The following NKAIN2 variants were observed in gnomAD, a reference collection of about 807,000 sequenced individuals.
NKAIN2 encodes the protein sodium/potassium-transporting ATPase subunit beta-1-interacting protein 2.
NKAIN2 carries 14 observed loss-of-function variants against 32.6 expected under a neutral mutation model. That is an observed-to-expected ratio of 0.43 (90% CI 0.28 to 0.67). The LOEUF is 0.67. Among genes scored for constraint, NKAIN2 ranks in the 30% least tolerant of loss-of-function variants. The pLI is 0.17. For synonymous variants in NKAIN2, 80 were observed against 87.2 expected (o/e 0.92, Z 0.46); for missense variants, 198 against 258.3 (o/e 0.77, Z 1.60).
intron 5 of NKAIN2, 139 bp from the exon 6 acceptor site, chr6:124,818,244 ATTTC>A: frequency 2.3e-6 from 1 of 434,372 alleles, no homozygotes. Flanking sequence ...CATTTCTTCC[ATTTC>A]TTTTTTCTTC....
intron 1 of NKAIN2, among the ~76,000 whole-genome samples, chr6:123,954,979 G>A (rs202182496): frequency 6.6e-6 from 1 of 152,026 alleles, no homozygotes; most frequent in African/African-American, 2.4e-5. Context: ...GTACTGAGCT[G>A]GGGGTAAAGC....
At chr6:123,908,312 G>A (rs1215196500) in intron 1 of NKAIN2, among the ~76,000 whole-genome samples, 1 of 152,088 alleles carries the variant, frequency 6.6e-6, no homozygotes, top group Non-Finnish European at 1.5e-5. Flanking sequence ...GCTTCAGAAT[G>A]TTTCTTGTTG....
chr6:124,550,056 G>C (rs1388019585), intron 3 of NKAIN2, among the ~76,000 whole-genome samples: 1 of 152,000 alleles, frequency 6.6e-6, no homozygotes, highest in African/African-American at 2.4e-5. Flanking sequence ...ATCTTGTCTG[G>C]GGCAAATATG....
chr6:123,974,676 C>A (rs1241803538), intron 1 of NKAIN2, among the ~76,000 whole-genome samples: 2 of 152,072 alleles, frequency 1.3e-5, no homozygotes, highest in Non-Finnish European at 2.9e-5. Context: ...AAGTTCTTAC[C>A]ATAGAAAGGT....
intron 4 of NKAIN2, among the ~76,000 whole-genome samples, chr6:124,773,316 G>C (rs1034473506): frequency 6.6e-6 from 1 of 152,104 alleles, no homozygotes; most frequent in Non-Finnish European, 1.5e-5. Flanking sequence ...AGGAGGGAGA[G>C]AGAAGAGGTG....
rs113291526 is a variant in NKAIN2 at position 123,805,525 on chromosome 6, T to G, written c.54+1271T>G. On this transcript the variant is annotated intron_variant, in intron 1 of 6. Transcript: ENST00000368417. ...TATTTTGATCTGTGATTTATGCGCTTATGCACTTGGTTGTAAGACAAAGAT... is the reference window on the plus strand; with the variant it reads ...TATTTTGATCTGTGATTTATGCGCTGATGCACTTGGTTGTAAGACAAAGAT... Among the ~76,000 whole-genome samples, 850 of 152,324 alleles carry G rather than the reference T, an allele frequency of 5.6e-3. 11 individuals carry two copies. The highest frequency in any genetic ancestry group is 0.02 in the African/African-American group (818 of 41,576).
At chr6:124,086,011 A>C (rs1043639697) in intron 1 of NKAIN2, among the ~76,000 whole-genome samples, 3 of 151,986 alleles carry the variant, frequency 2.0e-5, no homozygotes, top group Non-Finnish European at 2.9e-5. Flanking sequence ...AATAACTTTC[A>C]GATCCCTCAG....
chr6:124,692,511 C>T (rs1246209670), intron 4 of NKAIN2, among the ~76,000 whole-genome samples: 1 of 152,046 alleles, frequency 6.6e-6, no homozygotes, highest in African/African-American at 2.4e-5. Context: ...TATCACTTCA[C>T]ATATAAAAAT....
Position 124,824,827 on chromosome 6 carries a change from T to C in NKAIN2, c.*1598T>C, listed in dbSNP as rs1027809846. On this transcript the variant is annotated 3_prime_UTR_variant, in exon 7 of 7. Transcript: ENST00000368417. Reference sequence around the variant, plus strand: ...TACTTTAGACCTTAGCCCATTCGGATCTACATACACCAGTTCCATTACTGT... The same window carrying C: ...TACTTTAGACCTTAGCCCATTCGGACCTACATACACCAGTTCCATTACTGT... 6 of 152,206 alleles carry C rather than the reference T, an allele frequency of 3.9e-5. No homozygotes were observed. Among genetic ancestry groups the C allele is most frequent in the Non-Finnish European group, 7.4e-5 (5 of 68,018 alleles). 9.4% of individuals were successfully genotyped at this position (152,206 alleles called of 1,614,324 possible).
At chr6:124,618,622 A>T (rs1782995357) in intron 3 of NKAIN2, among the ~76,000 whole-genome samples, 1 of 152,242 alleles carries the variant, frequency 6.6e-6, no homozygotes, top group Non-Finnish European at 1.5e-5. Context: ...GAGCCATTAC[A>T]TCTAAAATCC....
At chr6:123,883,465 C>G (rs76036348) in intron 1 of NKAIN2, among the ~76,000 whole-genome samples, 1 of 151,054 alleles carries the variant, frequency 6.6e-6, no homozygotes, top group Non-Finnish European at 1.5e-5. Flanking sequence ...CTTGTGAGAT[C>G]TTGTTTTTTA....
intron 2 of NKAIN2, among the ~76,000 whole-genome samples, chr6:124,325,311 A>C (rs2115035511): frequency 6.6e-6 from 1 of 152,206 alleles, no homozygotes. Flanking sequence ...GTGGGGATGT[A>C]AAATGGTTCA....
intron 2 of NKAIN2, among the ~76,000 whole-genome samples, chr6:124,322,884 A>G (rs1797254722): frequency 6.6e-6 from 1 of 152,176 alleles, no homozygotes; most frequent in Admixed American, 6.5e-5. Context: ...TTACATCCTC[A>G]CCAGCTCTGA....
Position 124,394,909 on chromosome 6 carries a change from C to G in NKAIN2, c.273+39562C>G, listed in dbSNP as rs141346741. Among the ~76,000 whole-genome samples, 1,260 of 152,192 alleles carry G rather than the reference C, an allele frequency of 8.3e-3. 9 individuals are homozygous for G. The highest frequency in any genetic ancestry group is 0.013 in the Non-Finnish European group (902 of 67,994). On this transcript the variant is annotated intron_variant, in intron 3 of 6. Transcript: ENST00000368417. Reference sequence around the variant, plus strand: ...ACCATCACACCCCCAGAAGATTGTGCTTCATTGCTCAGAAAAGCTTTTCTT... The same window carrying G: ...ACCATCACACCCCCAGAAGATTGTGGTTCATTGCTCAGAAAAGCTTTTCTT...
intron 1 of NKAIN2, among the ~76,000 whole-genome samples, chr6:124,154,686 C>A (rs1010457045): frequency 2.6e-5 from 4 of 151,930 alleles, no homozygotes; most frequent in African/African-American, 7.2e-5. Flanking sequence ...TTACCACTGA[C>A]AAATGTTTCT....
intron 1 of NKAIN2, among the ~76,000 whole-genome samples, chr6:123,858,979 A>T (rs1459442431): frequency 6.6e-6 from 1 of 152,174 alleles, no homozygotes; most frequent in African/African-American, 2.4e-5. Context: ...ATATATTGAC[A>T]TATGTGTGTT....
chr6:124,066,407 C>G (rs1783181320), intron 1 of NKAIN2, among the ~76,000 whole-genome samples: 1 of 152,142 alleles, frequency 6.6e-6, no homozygotes, highest in Non-Finnish European at 1.5e-5. Flanking sequence ...ACTGCACTGG[C>G]AGGAATATGC....
intron 3 of NKAIN2, among the ~76,000 whole-genome samples, chr6:124,514,207 G>A (rs778238523): frequency 1.3e-5 from 2 of 152,098 alleles, no homozygotes; most frequent in Non-Finnish European, 2.9e-5. Context: ...TTCTTTCAAA[G>A]TAGTTATTCT....
intron 3 of NKAIN2, among the ~76,000 whole-genome samples, chr6:124,527,581 C>T (rs568984505): frequency 6.6e-6 from 1 of 152,250 alleles, no homozygotes; most frequent in South Asian, 2.1e-4. Flanking sequence ...TCAAATTATT[C>T]ATTTATGCAT....
Sources: gnomAD v4.1 joint callset for allele counts (sites outside exome capture counted in the v4.1 genomes callset) on GRCh38, gnomAD v4.1.1 for gene constraint, MANE v1.5 for transcripts, NCBI Gene and HGNC (gene_info 2026-07-23, HGNC 2026-07-21) for gene names.